The following GRHL2 variants were observed in gnomAD, a reference collection of about 807,000 sequenced individuals.
GRHL2 encodes the protein grainyhead-like protein 2 homolog.
In GRHL2, 21 loss-of-function variants were observed where a neutral mutation model predicts 83.8. The ratio of observed to expected loss-of-function variants is 0.25; its 90% CI spans 0.18 to 0.36. GRHL2 has a LOEUF of 0.36. GRHL2 is among the 10% of genes least tolerant of loss of function. GRHL2 has a pLI of 1.00. For missense variants in GRHL2, 623 were observed against 781.8 expected, an observed-to-expected ratio of 0.80 and a Z score of 2.42; for synonymous variants, 280 against 278.9, an observed-to-expected ratio of 1.00 and a Z score of -0.04.
At chr8:101,552,812 ACT>A (rs1811411860) in intron 3 of GRHL2, 30 bp downstream of exon 3, 3 of 1,597,828 alleles carry the variant, frequency 1.9e-6, no homozygotes, top group East Asian at 2.2e-5. Context: ...CCCCAGAATA[ACT>A]CTATGTTTTC....
At position 101,558,451 on chromosome 8, in the gene GRHL2, A is replaced by G. The variant is rs1277663157; in HGVS notation, c.317A>G (p.Asn106Ser). The G allele has an allele frequency of 1.2e-6, 2 of 1,614,188 alleles. No individual in the cohort carries two copies. Among genetic ancestry groups the G allele is most frequent in the South Asian group, 2.2e-5 (2 of 91,080 alleles). Residue 106 changes from asparagine to serine, a missense_variant, in exon 4 of 16, where the codon AAT becomes AGT. Around this residue, in one of 8 missense-constraint regions of GRHL2, gnomAD observed 239 missense variants for 240.5 expected, o/e 0.99. Coordinates refer to ENST00000646743, the MANE Select transcript of GRHL2 (RefSeq NM_024915.4). ...NCLGTSEAQS[N>S]LSGGENRVQV... The stretch of plus-strand genomic sequence containing the variant: ...CTTGGCACCAGTGAAGCCCAGAGTA[A>G]TTTGAGTGGAGGAGAAAACCGAGTG...
intron 12 of GRHL2, 99 bp from the exon 13 acceptor site, chr8:101,644,032 C>A (rs776132552): frequency 3.9e-6 from 4 of 1,022,830 alleles, no homozygotes; most frequent in African/African-American, 3.2e-5. Context: ...AGCATAGGGA[C>A]GGTATAAGCA....
intron 14 of GRHL2, among the ~76,000 whole-genome samples, chr8:101,656,208 C>CTT (rs1018533763): frequency 2.6e-5 from 4 of 152,214 alleles, no homozygotes; most frequent in African/African-American, 7.2e-5. Flanking sequence ...GGCTGTGTTT[C>CTT]TTTTCCGTGG....
chr8:101,539,208 T>C (rs1811102623), intron 1 of GRHL2, among the ~76,000 whole-genome samples: 1 of 152,208 alleles, frequency 6.6e-6, no homozygotes, highest in Admixed American at 6.5e-5. Flanking sequence ...GCCAGTGTTA[T>C]AATTAACACC....
intron 1 of GRHL2, among the ~76,000 whole-genome samples, chr8:101,515,979 C>T (rs567885248): frequency 1.3e-5 from 2 of 152,280 alleles, no homozygotes; most frequent in East Asian, 1.9e-4. Context: ...CAGGTTGGCT[C>T]AGTAGCTTGT....
At chr8:101,610,329 AGG>A (rs1812723011) in intron 8 of GRHL2, among the ~76,000 whole-genome samples, 1 of 151,162 alleles carries the variant, frequency 6.6e-6, no homozygotes. Context: ...CAAAATCCCC[AGG>A]GAGAGAATCC....
In GRHL2 at chr8:101,567,390, GA is replaced by G. The variant is rs1225812308; in HGVS notation, c.679-2948del. On this transcript the variant is annotated intron_variant, in intron 4 of 15. Coordinates refer to ENST00000646743, the MANE Select transcript of GRHL2 (RefSeq NM_024915.4). ...GGTCTCCGAGCAACTGTGGAAACTT[GA>G]TAACTGTAGCCAGAATGACCTGAGC... Among the ~76,000 whole-genome samples the G allele has an allele frequency of 2.0e-5, 3 of 152,148 alleles. No homozygotes were observed. In the East Asian group the frequency reaches 5.8e-4, roughly 29 times the overall value.
intron 14 of GRHL2, 100 bp downstream of exon 14, chr8:101,649,599 G>A: frequency 1.2e-6 from 1 of 855,952 alleles, no homozygotes; most frequent in Non-Finnish European, 2.0e-6. Flanking sequence ...GCTTCAGAAT[G>A]AGCTTTATAC....
At chr8:101,520,041 A>G (rs1346261121) in intron 1 of GRHL2, among the ~76,000 whole-genome samples, 1 of 152,222 alleles carries the variant, frequency 6.6e-6, no homozygotes, top group Non-Finnish European at 1.5e-5. Flanking sequence ...TTTAGATCAA[A>G]CTTATCATAA....
intron 2 of GRHL2, among the ~76,000 whole-genome samples, chr8:101,547,879 C>G (rs934473798): frequency 1.3e-5 from 2 of 152,298 alleles, no homozygotes; most frequent in African/African-American, 4.8e-5. Context: ...AACTACTTAC[C>G]AGTAATAGCT....
chr8:101,590,395 A>G (rs1463034892), intron 7 of GRHL2, among the ~76,000 whole-genome samples: 1 of 152,160 alleles, frequency 6.6e-6, no homozygotes, highest in Admixed American at 6.6e-5. Flanking sequence ...TACTCCTGGA[A>G]TGACCCTCTC....
chr8:101,581,513 G>A (rs538382051), intron 7 of GRHL2, among the ~76,000 whole-genome samples: 17 of 152,172 alleles, frequency 1.1e-4, no homozygotes, highest in Non-Finnish European at 1.6e-4. Context: ...TACCTCTTGC[G>A]TGGAATCTCT....
the GRHL2 span, among the ~76,000 whole-genome samples, chr8:101,681,182 A>G: frequency 7.3e-6 from 1 of 137,550 alleles, no homozygotes; most frequent in African/African-American, 2.9e-5. Context: ...ACCGCTAGCA[A>G]GACTAATAAA....
intron 9 of GRHL2, among the ~76,000 whole-genome samples, chr8:101,627,114 C>G (rs989453960): frequency 6.6e-6 from 1 of 152,028 alleles, no homozygotes; most frequent in African/African-American, 2.4e-5. Context: ...GAAAAATAAG[C>G]AAGTGATTTT....
At chr8:101,680,050 G>A in the GRHL2 span, among the ~76,000 whole-genome samples, 4 of 118,666 alleles carry the variant, frequency 3.4e-5, 1 homozygote, top group South Asian at 3.5e-4. Context: ...TCATCATAAT[G>A]ACAGGATCAA....
downstream of GRHL2, among the ~76,000 whole-genome samples, chr8:101,671,038 G>A (rs1209928035): frequency 1.3e-5 from 2 of 152,204 alleles, no homozygotes; most frequent in Non-Finnish European, 2.9e-5. Flanking sequence ...ACCAAGGGGG[G>A]TGGAGCCAAG....
At chr8:101,656,653 C>A (rs1040095123) in intron 14 of GRHL2, among the ~76,000 whole-genome samples, 4 of 152,126 alleles carry the variant, frequency 2.6e-5, no homozygotes, top group Non-Finnish European at 5.9e-5. Flanking sequence ...GCGAGTTACT[C>A]AACCTCTCTA....
rs182233875 is a variant in GRHL2 at position 101,581,818 on chromosome 8, C to T, written c.1003+4299C>T. Among the ~76,000 whole-genome samples the T allele has an allele frequency of 1.5e-3, 233 of 152,286 alleles. 2 individuals carry two copies. Among genetic ancestry groups the T allele is most frequent in the African/African-American group, 4.9e-3 (204 of 41,552 alleles). On this transcript the variant is annotated intron_variant, in intron 7 of 15. Transcript: ENST00000646743. Reference sequence around the variant, plus strand: ...CGTGGTAAGTGGCAGCATAGAAGAGCGCTTCCCAGAGAAGTTTCTGAGACT... The same window carrying T: ...CGTGGTAAGTGGCAGCATAGAAGAGTGCTTCCCAGAGAAGTTTCTGAGACT...
At chr8:101,520,571 A>C (rs761973720) in intron 1 of GRHL2, among the ~76,000 whole-genome samples, 1 of 152,084 alleles carries the variant, frequency 6.6e-6, no homozygotes, top group African/African-American at 2.4e-5. Context: ...TCACAAGAGA[A>C]CATCTTGTGT....
Sources: allele counts gnomAD v4.1 joint callset (sites outside exome capture counted in the v4.1 genomes callset), GRCh38; gene constraint gnomAD v4.1.1; regional missense constraint gnomAD v4.1.1; transcripts MANE v1.5; gene names NCBI Gene and HGNC (gene_info 2026-07-23, HGNC 2026-07-21).